Variants in CD2AP observed in about 807,000 individuals in gnomAD.
CD2AP encodes CD2 associated protein, also known as CD2-associated protein.
In CD2AP, 46 loss-of-function variants were observed where a neutral mutation model predicts 85.1. The observed-to-expected ratio is 0.54, with a 90% CI of 0.43 to 0.69. The LOEUF is 0.69. Ranked by LOEUF, CD2AP falls within the 30% of genes least tolerant of loss-of-function variation. The pLI is 0.00. For synonymous variants in CD2AP, 255 were observed against 252.9 expected, an observed-to-expected ratio of 1.01 and a Z score of -0.08; for missense variants, 769 against 729.5, an observed-to-expected ratio of 1.05 and a Z score of -0.62.
chr6:47,523,829 G>A (rs1562014978), intron 2 of CD2AP, among the ~76,000 whole-genome samples: 2 of 152,020 alleles, frequency 1.3e-5, no homozygotes, highest in Non-Finnish European at 2.9e-5. Context: ...TTATTTGTAG[G>A]TACACCAAAT....
chr6:47,502,261 G>A (rs148898525), intron 1 of CD2AP, among the ~76,000 whole-genome samples: 297 of 152,208 alleles, frequency 2.0e-3, no homozygotes, highest in African/African-American at 6.8e-3. Flanking sequence ...TATTAAGATG[G>A]GCATTACAGC....
chr6:47,622,008 G>A (rs547081811), intron 17 of CD2AP, among the ~76,000 whole-genome samples: 3 of 152,342 alleles, frequency 2.0e-5, no homozygotes, highest in East Asian at 3.9e-4. Flanking sequence ...CTTCTTGGGC[G>A]GGTCTTGCTG....
chr6:47,508,164 C>CT (rs1766223405), intron 2 of CD2AP, among the ~76,000 whole-genome samples: 1 of 152,212 alleles, frequency 6.6e-6, no homozygotes, highest in South Asian at 2.1e-4. Context: ...TGAAGCTAGG[C>CT]TTTGATTTCT....
intron 1 of CD2AP, among the ~76,000 whole-genome samples, chr6:47,479,330 A>G (rs1765387103): frequency 6.6e-6 from 1 of 152,248 alleles, no homozygotes; most frequent in Admixed American, 6.5e-5. Context: ...AAGCAGGACG[A>G]ATACAGACTA....
At chr6:47,623,566 T>C (rs1769820072) in intron 17 of CD2AP, among the ~76,000 whole-genome samples, 1 of 152,210 alleles carries the variant, frequency 6.6e-6, no homozygotes, top group African/African-American at 2.4e-5. Context: ...TTGTGCAAAC[T>C]TAATGAAATG....
intron 4 of CD2AP, among the ~76,000 whole-genome samples, chr6:47,546,944 A>G (rs1767379849): frequency 6.6e-6 from 1 of 152,148 alleles, no homozygotes; most frequent in Non-Finnish European, 1.5e-5. Context: ...AAATGAAGGA[A>G]ACATACAGTC....
intron 1 of CD2AP, among the ~76,000 whole-genome samples, chr6:47,481,967 C>T (rs918987182): frequency 6.6e-6 from 1 of 151,616 alleles, no homozygotes; most frequent in Non-Finnish European, 1.5e-5. Context: ...CCCTGTCTTG[C>T]CCAGGCTAGT....
At chr6:47,489,791 G>A (rs530697326) in intron 1 of CD2AP, among the ~76,000 whole-genome samples, 1 of 152,208 alleles carries the variant, frequency 6.6e-6, no homozygotes, top group East Asian at 1.9e-4. Flanking sequence ...TTTAAAACTC[G>A]TCCTCTTAAT....
Position 47,478,235 on chromosome 6 carries a change from A to G in CD2AP, c.-10A>G, listed in dbSNP as rs761183938. The G allele has an allele frequency of 6.4e-7, 1 of 1,570,778 alleles. No homozygotes were observed. ...GCGGACGTCGGCTTCTCCCCGCGGG[A>G]GCCCCCAGCATGGGTAAGAGACTCG... On this transcript the variant is annotated 5_prime_UTR_variant, in exon 1 of 18. Coordinates refer to ENST00000359314, the MANE Select transcript of CD2AP (RefSeq NM_012120.3).
chr6:47,480,524 A>C (rs115629636), intron 1 of CD2AP, among the ~76,000 whole-genome samples: 1 of 152,142 alleles, frequency 6.6e-6, no homozygotes, highest in Non-Finnish European at 1.5e-5. Flanking sequence ...CTTGAGGTCA[A>C]ATTCTCTTCT....
rs776638684 is a variant in CD2AP, at chr6:47,606,172, A to C, written c.1425A>C (p.Val475=). The change falls in exon 14 of 18, where the codon GTA becomes GTC. Residue 475 remains valine (V), a synonymous_variant. Transcript: ENST00000359314. ...TVRTSKETDV[V]NFDDIASSEN... ...TTTATTTTTATTTTCTAGATGTTGT[A>C]AATTTTGATGACATAGCTTCCTCAG... The C allele has an allele frequency of 6.5e-7, 1 of 1,543,782 alleles. No homozygotes were observed. Among genetic ancestry groups the C allele is most frequent in the Admixed American group, 1.7e-5 (1 of 59,798 alleles).
intron 1 of CD2AP, among the ~76,000 whole-genome samples, chr6:47,502,209 TA>T (rs1187002726): frequency 3.3e-5 from 5 of 152,262 alleles, no homozygotes; most frequent in African/African-American, 7.2e-5. Flanking sequence ...GCTTACAGCA[TA>T]GCAGCTTGTG....
At chr6:47,566,565 G>GCAGGAACCA (rs2114084108) in intron 5 of CD2AP, among the ~76,000 whole-genome samples, 1 of 152,050 alleles carries the variant, frequency 6.6e-6, no homozygotes, top group South Asian at 2.1e-4. Context: ...GTATAAGTGT[G>GCAGGAACCA]CCATGGTGGT....
intron 5 of CD2AP, among the ~76,000 whole-genome samples, chr6:47,566,301 A>ATT: frequency 9.1e-6 from 1 of 110,208 alleles, no homozygotes; most frequent in South Asian, 3.6e-4. Context: ...TGCTCATTAG[A>ATT]ATATATATAT....
intron 5 of CD2AP, among the ~76,000 whole-genome samples, chr6:47,568,441 G>T (rs1273181919): frequency 6.6e-6 from 1 of 152,036 alleles, no homozygotes; most frequent in Admixed American, 6.6e-5. Context: ...ACTTTAGGTG[G>T]TATAAGAAAC....
chr6:47,607,613 ATGCTTTTTC>A (rs1325259415), intron 14 of CD2AP, among the ~76,000 whole-genome samples: 5 of 152,056 alleles, frequency 3.3e-5, no homozygotes, highest in Non-Finnish European at 7.4e-5. Context: ...ACTTCTTTGT[ATGCTTTTTC>A]TACATTGCCT....
intron 11 of CD2AP, among the ~76,000 whole-genome samples, chr6:47,590,764 T>C (rs774996552): frequency 6.6e-6 from 1 of 151,904 alleles, no homozygotes; most frequent in South Asian, 2.1e-4. Context: ...GAGAAAAAAA[T>C]GGAGCAGAAA....
intron 13 of CD2AP, among the ~76,000 whole-genome samples, chr6:47,604,661 A>G (rs1430770700): frequency 6.6e-6 from 1 of 152,082 alleles, no homozygotes; most frequent in Non-Finnish European, 1.5e-5. Flanking sequence ...CATCTTTTAA[A>G]AATACTGATT....
rs1389003657 is a variant in CD2AP, at chr6:47,627,107, CAAAA to C, written c.*2882_*2885del. On this transcript the variant is annotated 3_prime_UTR_variant, in exon 18 of 18. Coordinates refer to ENST00000359314, the MANE Select transcript of CD2AP (RefSeq NM_012120.3). ...TGTATTTAAAAGCATGCTTCTCTCT[CAAAA>C]AGAAAAATTAAAGGATTTTATTGCC... 6.6e-6 allele frequency: 1 copy of C among 152,326 alleles called. No homozygotes were observed. The highest frequency in any genetic ancestry group is 1.5e-5 in the Non-Finnish European group (1 of 67,870). 9.4% of individuals were successfully genotyped at this position (152,326 alleles called of 1,614,324 possible).
Sources: allele counts gnomAD v4.1 joint callset (sites outside exome capture counted in the v4.1 genomes callset), GRCh38; gene constraint gnomAD v4.1.1; transcripts MANE v1.5; gene names NCBI Gene and HGNC (gene_info 2026-07-23, HGNC 2026-07-21).